The following DIP2C variants were observed in gnomAD, a reference collection of about 807,000 sequenced individuals.
DIP2C encodes DIP2 acetate--CoA ligase C (putative), also known as disco-interacting protein 2 homolog C.
Under a neutral mutation model 192.4 loss-of-function variants are expected in DIP2C, and 33 were observed. The observed-to-expected ratio is 0.17, with a 90% confidence interval of 0.13 to 0.23. The LOEUF (loss-of-function observed/expected upper bound fraction) is 0.23. Ranked by LOEUF, DIP2C falls within the 10% of genes least tolerant of loss-of-function variation. DIP2C has a pLI of 1.00. For missense variants in DIP2C, 1,537 were observed against 2,110.1 expected (o/e 0.73, Z 5.32); for synonymous variants, 979 against 864.1 (o/e 1.13, Z -2.33).
At chr10:357,688 G>A (rs1249622483) in intron 23 of DIP2C, 140 bp downstream of exon 23, 19 of 600,194 alleles carry the variant, frequency 3.2e-5, no homozygotes, top group South Asian at 2.5e-4. Flanking sequence ...TGTCGGGGAC[G>A]GTTGCGGACA....
intron 1 of DIP2C, among the ~76,000 whole-genome samples, chr10:548,008 C>A (rs1205520756): frequency 6.6e-6 from 1 of 152,110 alleles, no homozygotes; most frequent in African/African-American, 2.4e-5. Context: ...CTTTTTCAGC[C>A]ATCACAACTG....
intron 1 of DIP2C, among the ~76,000 whole-genome samples, chr10:585,215 T>C (rs1432564679): frequency 6.6e-6 from 1 of 152,210 alleles, no homozygotes; most frequent in African/African-American, 2.4e-5. Flanking sequence ...ACTTTCCCAC[T>C]GACTTCGTCA....
At chr10:502,563 C>A (rs1845310563) in intron 1 of DIP2C, among the ~76,000 whole-genome samples, 1 of 151,990 alleles carries the variant, frequency 6.6e-6, no homozygotes, top group African/African-American at 2.4e-5. Flanking sequence ...GGAGGAAACT[C>A]AAGTCACACC....
At chr10:510,640 C>A (rs992154518) in intron 1 of DIP2C, among the ~76,000 whole-genome samples, 1 of 152,208 alleles carries the variant, frequency 6.6e-6, no homozygotes, top group Admixed American at 6.5e-5. Flanking sequence ...ATAAGCTGAA[C>A]AAAACTCTAT....
chr10:509,148 A>G (rs1385769742), intron 1 of DIP2C, among the ~76,000 whole-genome samples: 1 of 152,044 alleles, frequency 6.6e-6, no homozygotes, highest in East Asian at 1.9e-4. Context: ...CCATACAACT[A>G]GGGGTCGATT....
intron 1 of DIP2C, among the ~76,000 whole-genome samples, chr10:524,034 C>T (rs1319765575): frequency 6.6e-6 from 1 of 152,142 alleles, no homozygotes; most frequent in Non-Finnish European, 1.5e-5. Flanking sequence ...GGAGGCCGTG[C>T]AATGGCCCGA....
At chr10:511,828 A>T (rs1471321376) in intron 1 of DIP2C, among the ~76,000 whole-genome samples, 3 of 152,256 alleles carry the variant, frequency 2.0e-5, no homozygotes, top group Non-Finnish European at 4.4e-5. Context: ...CTTCATTATT[A>T]GTTTTTCAAA....
intron 5 of DIP2C, among the ~76,000 whole-genome samples, chr10:421,763 C>A (rs765819666): frequency 6.6e-6 from 1 of 152,040 alleles, no homozygotes; most frequent in Non-Finnish European, 1.5e-5. Context: ...TTTTTCCTCA[C>A]CAAAAGCCTA....
intron 31 of DIP2C, among the ~76,000 whole-genome samples, chr10:319,113 A>G (rs1412518905): frequency 6.6e-6 from 1 of 152,000 alleles, no homozygotes; most frequent in Non-Finnish European, 1.5e-5. Context: ...GGGTCTTACT[A>G]TGTTGGGCAA....
At chr10:298,981 G>A (rs1221114796) in intron 32 of DIP2C, among the ~76,000 whole-genome samples, 1 of 152,188 alleles carries the variant, frequency 6.6e-6, no homozygotes, top group East Asian at 1.9e-4. Flanking sequence ...GATTTGATAT[G>A]TTTATGAGCA....
At chr10:296,601 C>T (rs531629767) in intron 32 of DIP2C, among the ~76,000 whole-genome samples, 5 of 152,110 alleles carry the variant, frequency 3.3e-5, no homozygotes, top group East Asian at 1.9e-4. Context: ...ATGTTCATTG[C>T]GGCACTATTC....
At chr10:378,448 C>T (rs750544703) in intron 17 of DIP2C, among the ~76,000 whole-genome samples, 24 of 152,178 alleles carry the variant, frequency 1.6e-4, no homozygotes, top group South Asian at 2.1e-4. Flanking sequence ...CATAAAGACA[C>T]GTGAACACAA....
At chr10:533,231 A>G (rs1404159888) in intron 1 of DIP2C, among the ~76,000 whole-genome samples, 3 of 152,160 alleles carry the variant, frequency 2.0e-5, no homozygotes, top group Non-Finnish European at 2.9e-5. Context: ...GAAAGAAAGA[A>G]GGGTGGAAAA....
intron 10 of DIP2C, among the ~76,000 whole-genome samples, chr10:393,703 C>T (rs1292613210): frequency 7.4e-6 from 1 of 135,404 alleles, no homozygotes; most frequent in Non-Finnish European, 1.5e-5. Flanking sequence ...AGCTTGAACC[C>T]GGGAAGCGGA....
Position 374,543 on chromosome 10 carries a change from T to C in DIP2C, c.1992-4910A>G, listed in dbSNP as rs138925719. Among the ~76,000 whole-genome samples the C allele has an allele frequency of 6.1e-3, 921 of 152,126 alleles. 4 individuals are homozygous for C. Among genetic ancestry groups the C allele is most frequent in the Middle Eastern group, 0.014 (4 of 294 alleles). ...GCTACCCAAAGCCACTGCTGTGGAG[T>C]GGAGCCAGCGCCAATCTCAGTCTGG... On this transcript the variant is annotated intron_variant, in intron 17 of 36. Transcript: ENST00000280886.
intron 29 of DIP2C, among the ~76,000 whole-genome samples, chr10:336,925 G>GTGTGTGTT (rs1957808207): frequency 4.0e-5 from 2 of 50,216 alleles, no homozygotes; most frequent in Non-Finnish European, 1.3e-4. Flanking sequence ...TGTGTGTTGT[G>GTGTGTGTT]GAGGCCTAGA....
At chr10:385,483 C>A (rs1962814535) in intron 14 of DIP2C, among the ~76,000 whole-genome samples, 1 of 152,260 alleles carries the variant, frequency 6.6e-6, no homozygotes, top group Non-Finnish European at 1.5e-5. Flanking sequence ...AAGCCTAATT[C>A]TTCCCGGTGT....
At chr10:381,127 A>C (rs1193859150) in intron 17 of DIP2C, among the ~76,000 whole-genome samples, 2 of 152,228 alleles carry the variant, frequency 1.3e-5, no homozygotes, top group South Asian at 2.1e-4. Context: ...CTTCTCTCCT[A>C]AAGATTTTCA....
chr10:344,766 C>T (rs376849037), intron 28 of DIP2C, 43 bp downstream of exon 28: 40 of 1,522,358 alleles, frequency 2.6e-5, no homozygotes, highest in Non-Finnish European at 3.3e-5. Context: ...CAGCACGCTC[C>T]GCAGTTGCCT....
Sources: gnomAD v4.1 joint callset for allele counts (sites outside exome capture counted in the v4.1 genomes callset) on GRCh38, gnomAD v4.1.1 for gene constraint, MANE v1.5 for transcripts, NCBI Gene and HGNC (gene_info 2026-07-23, HGNC 2026-07-21) for gene names.